MYLK: variants seen among roughly 807,000 people sequenced by gnomAD.
MYLK encodes the protein myosin light chain kinase, also known as myosin light chain kinase, smooth muscle.
MYLK carries 106 observed loss-of-function variants against 203.4 expected under a neutral mutation model. The ratio of observed to expected loss-of-function variants is 0.52; its 90% CI spans 0.45 to 0.61. The LOEUF is 0.61. Ranked by LOEUF, MYLK falls within the 20% of genes least tolerant of loss-of-function variation. MYLK has a pLI of 0.00. For missense variants in MYLK, 2,072 were observed against 2,442.3 expected, an observed-to-expected ratio of 0.85 and a Z score of 3.20; for synonymous variants, 867 against 959.5, an observed-to-expected ratio of 0.90 and a Z score of 1.78.
chr3:123,766,264 A>C (rs945757641), intron 4 of MYLK, among the ~76,000 whole-genome samples: 3 of 152,216 alleles, frequency 2.0e-5, no homozygotes. Context: ...TCATTGTGCT[A>C]TGAATAAGAC....
chr3:123,803,165 G>A (rs1255148624), intron 3 of MYLK, among the ~76,000 whole-genome samples: 1 of 152,174 alleles, frequency 6.6e-6, no homozygotes, highest in Non-Finnish European at 1.5e-5. Flanking sequence ...AGTTGATTCA[G>A]CTGTACAATG....
intron 18 of MYLK, among the ~76,000 whole-genome samples, chr3:123,698,607 G>C (rs1480878427): frequency 6.6e-6 from 1 of 152,280 alleles, no homozygotes; most frequent in South Asian, 2.1e-4. Flanking sequence ...GCAGAGGTGG[G>C]GGATGGAGGA....
chr3:123,639,260 G>A (rs890499048), intron 28 of MYLK, among the ~76,000 whole-genome samples: 4 of 152,204 alleles, frequency 2.6e-5, no homozygotes, highest in African/African-American at 7.2e-5. Context: ...TGCGCCCAGC[G>A]CCGAGGCATG....
At chr3:123,878,535 G>A (rs1179999343) in intron 1 of MYLK, among the ~76,000 whole-genome samples, 1 of 152,170 alleles carries the variant, frequency 6.6e-6, no homozygotes, top group African/African-American at 2.4e-5. Context: ...AAAGAGGACA[G>A]CCTTAAAGGA....
At chr3:123,628,229 G>A (rs1324558989) in intron 30 of MYLK, among the ~76,000 whole-genome samples, 1 of 152,216 alleles carries the variant, frequency 6.6e-6, no homozygotes, top group Non-Finnish European at 1.5e-5. Context: ...AAAAAGGACT[G>A]AGAGTGGGGT....
intron 26 of MYLK, among the ~76,000 whole-genome samples, chr3:123,647,723 T>TC: frequency 6.8e-6 from 1 of 147,588 alleles, no homozygotes; most frequent in East Asian, 2.0e-4. Flanking sequence ...CTTTAAACAT[T>TC]TTTTTTTTTT....
chr3:123,700,275 C>G lies in MYLK; in HGVS notation c.3193G>C (p.Glu1065Gln), dbSNP rs1064797009. Residue 1065 changes from glutamate (E) to glutamine (Q), a missense_variant, in exon 18 of 34, where the codon GAA becomes CAA. Glu to Gln is a conservative substitution (Grantham distance 29). Around this residue, in one of 3 missense-constraint regions of MYLK, gnomAD observed 865 missense variants for 1,016.0 expected, o/e 0.85. Coordinates refer to ENST00000360304, the MANE Select transcript of MYLK (RefSeq NM_053025.4). ...TTCTTAACGTCTTTCTTGAGTTCTT[C>G]TTTGCTAGCGGATTTCAGGTTCTCA... Reference protein sequence around the residue: ...PDENLKSASKEELKKDVKNDV... With the variant: ...PDENLKSASKQELKKDVKNDV... The G allele has an allele frequency of 3.1e-6, 5 of 1,611,274 alleles. No homozygotes were observed. The highest frequency in any genetic ancestry group is 1.7e-5 in the Admixed American group (1 of 59,920).
intron 11 of MYLK, among the ~76,000 whole-genome samples, chr3:123,728,829 G>A (rs2062384228): frequency 1.3e-5 from 2 of 152,232 alleles, no homozygotes; most frequent in East Asian, 1.9e-4. Context: ...CTCCTTCAAC[G>A]ACTCCATTTT....
At chr3:123,808,135 T>C (rs1184779760) in intron 3 of MYLK, among the ~76,000 whole-genome samples, 1 of 152,202 alleles carries the variant, frequency 6.6e-6, no homozygotes, top group African/African-American at 2.4e-5. Flanking sequence ...CCAGCCTCCT[T>C]CACCCTTCAC....
intron 26 of MYLK, among the ~76,000 whole-genome samples, chr3:123,647,911 T>C (rs1412981779): frequency 6.6e-6 from 1 of 151,998 alleles, no homozygotes; most frequent in Non-Finnish European, 1.5e-5. Flanking sequence ...TGGCATCTCT[T>C]CCCCTCCCTG....
At chr3:123,618,808 T>C in intron 32 of MYLK, 38 bp from the exon 33 acceptor site, 1 of 1,613,218 alleles carries the variant, frequency 6.2e-7, no homozygotes, top group East Asian at 2.2e-5. Flanking sequence ...ATTTCTTCAC[T>C]CGTTGTTCTC....
At chr3:123,739,867 C>T in intron 6 of MYLK, 86 bp downstream of exon 6, 1 of 1,444,798 alleles carries the variant, frequency 6.9e-7, no homozygotes, top group Non-Finnish European at 9.7e-7. Context: ...CCTAGGAGAG[C>T]CAAGACTTAC....
At position 123,629,078 on chromosome 3, in the gene MYLK, C is replaced by T. The variant is rs1048238963; in HGVS notation, c.5114+396G>A. ...TTCTAAGATGCCCGTGTCCTCTGCT[C>T]TTGCTTGTTGAGAGGGTCCTTCCCC... On this transcript the variant is annotated intron_variant, in intron 30 of 33. Coordinates refer to ENST00000360304, the MANE Select transcript of MYLK (RefSeq NM_053025.4). This position sits in a 1 kb window ranked among gnomAD's most constrained non-coding sequence, Gnocchi z 4.4. Among the ~76,000 whole-genome samples, 2 of 152,180 alleles carry T rather than the reference C, an allele frequency of 1.3e-5. No homozygotes were observed. The highest frequency in any genetic ancestry group is 4.8e-5 in the African/African-American group (2 of 41,448).
intron 3 of MYLK, 101 bp from the exon 4 acceptor site, chr3:123,793,945 C>G (rs566161511): frequency 7.5e-7 from 1 of 1,330,602 alleles, no homozygotes; most frequent in Admixed American, 1.8e-5. Flanking sequence ...GTGGCTTTTA[C>G]GTGGAGCAGA....
intron 2 of MYLK, among the ~76,000 whole-genome samples, chr3:123,851,329 T>G (rs28878474): frequency 0.013 from 1,966 of 152,298 alleles, 45 homozygotes; most frequent in African/African-American, 0.045. Context: ...ATAAATTACC[T>G]TGGGCAGTAT....
intron 3 of MYLK, among the ~76,000 whole-genome samples, chr3:123,808,703 A>G (rs1056844988): frequency 2.0e-5 from 3 of 152,230 alleles, no homozygotes; most frequent in African/African-American, 4.8e-5. Context: ...ACTGAACCAC[A>G]TATCGATTGT....
rs191211989 is a variant in MYLK, at chr3:123,693,059, G to A, written c.3449-208C>T. On this transcript the variant is annotated intron_variant, in intron 18 of 33. Coordinates refer to ENST00000360304, the MANE Select transcript of MYLK (RefSeq NM_053025.4). ...TCCAAAATAACTGATCCCTAAATAC[G>A]TTCCTTCCTGATACCTCCTCCCCCA... Among the ~76,000 whole-genome samples the A allele has an allele frequency of 1.1e-3, 160 of 152,174 alleles. 1 individual carries two copies. The highest frequency in any genetic ancestry group is 1.8e-3 in the Non-Finnish European group (120 of 68,022).
intron 16 of MYLK, among the ~76,000 whole-genome samples, chr3:123,705,691 T>C (rs1488997104): frequency 2.6e-5 from 4 of 152,160 alleles, no homozygotes; most frequent in African/African-American, 7.2e-5. Flanking sequence ...GCCTCCTCTC[T>C]GGCCTGGCAA....
chr3:123,786,394 G>A (rs2064526163), intron 4 of MYLK, among the ~76,000 whole-genome samples: 1 of 151,358 alleles, frequency 6.6e-6, no homozygotes, highest in Non-Finnish European at 1.5e-5. Flanking sequence ...TTGAGGGTTA[G>A]AAAGTTCAGA....
Sources: allele counts gnomAD v4.1 joint callset (sites outside exome capture counted in the v4.1 genomes callset), GRCh38; gene constraint gnomAD v4.1.1; regional missense constraint gnomAD v4.1.1; non-coding constraint Gnocchi (gnomAD v3.1); transcripts MANE v1.5; gene names NCBI Gene and HGNC (gene_info 2026-07-23, HGNC 2026-07-21).